Variants in AGBL4 observed in about 807,000 individuals in gnomAD.
The protein encoded by AGBL4 is AGBL carboxypeptidase 4, also known as cytosolic carboxypeptidase 6.
In AGBL4, 58 loss-of-function variants were observed where a neutral mutation model predicts 66.4. The ratio of observed to expected loss-of-function variants is 0.87; its 90% CI spans 0.71 to 1.09. AGBL4 has a LOEUF of 1.09. Ranked by LOEUF, AGBL4 falls within the 50% of genes least tolerant of loss-of-function variation. The pLI is 0.00. For synonymous variants in AGBL4, 234 were observed against 222.9 expected, an observed-to-expected ratio of 1.05 and a Z score of -0.44; for missense variants, 579 against 631.0, an observed-to-expected ratio of 0.92 and a Z score of 0.88.
intron 3 of AGBL4, among the ~76,000 whole-genome samples, chr1:49,675,262 C>A (rs1244558405): frequency 6.6e-6 from 1 of 151,944 alleles, no homozygotes. Flanking sequence ...CTTTCATGGG[C>A]CCCTTGCCAT....
chr1:49,569,475 T>C (rs1287996291), intron 3 of AGBL4, among the ~76,000 whole-genome samples: 1 of 152,210 alleles, frequency 6.6e-6, no homozygotes, highest in African/African-American at 2.4e-5. Flanking sequence ...ACATTTCATG[T>C]ACCCCATAAA....
At chr1:48,850,973 T>A (rs548741958) in intron 6 of AGBL4, among the ~76,000 whole-genome samples, 2 of 152,282 alleles carry the variant, frequency 1.3e-5, no homozygotes, top group African/African-American at 4.8e-5. Context: ...ATGGCAAAAA[T>A]AGGACTCAGA....
intron 3 of AGBL4, among the ~76,000 whole-genome samples, chr1:49,615,650 A>T (rs913759993): frequency 4.6e-5 from 7 of 152,128 alleles, no homozygotes; most frequent in African/African-American, 1.7e-4. Context: ...AAAATGGATA[A>T]AAGAGTCATA....
At chr1:48,543,931 A>ACT (rs1196556434) in intron 11 of AGBL4, among the ~76,000 whole-genome samples, 2 of 152,200 alleles carry the variant, frequency 1.3e-5, no homozygotes, top group Admixed American at 1.3e-4. Context: ...TGGTAATGGC[A>ACT]CTGTCAGGAC....
chr1:49,192,085 C>T (rs1429505407), intron 4 of AGBL4, among the ~76,000 whole-genome samples: 1 of 152,096 alleles, frequency 6.6e-6, no homozygotes, highest in Non-Finnish European at 1.5e-5. Context: ...CAGTGTATAA[C>T]TATTCTCTTT....
chr1:48,825,572 C>G (rs1261028252), intron 6 of AGBL4, among the ~76,000 whole-genome samples: 4 of 152,084 alleles, frequency 2.6e-5, no homozygotes. Context: ...ATTGTATTCC[C>G]AGTGCCCAGA....
At chr1:49,690,082 A>T (rs1018126210) in intron 3 of AGBL4, among the ~76,000 whole-genome samples, 3 of 152,198 alleles carry the variant, frequency 2.0e-5, no homozygotes, top group African/African-American at 7.2e-5. Context: ...AAGACCCTTC[A>T]CCAGCCAAAA....
intron 2 of AGBL4, among the ~76,000 whole-genome samples, chr1:49,850,223 G>GACATACAGGGAGAAC (rs1553133866): frequency 1.3e-5 from 2 of 152,156 alleles, no homozygotes; most frequent in African/African-American, 4.8e-5. Flanking sequence ...TTTGGATATA[G>GACATACAGGGAGAAC]ACATACAGGG....
In AGBL4 at chr1:49,833,869, C is replaced by T. The variant is rs1051964605; in HGVS notation, c.157+17527G>A. ...GTATCCTGAGACTCTGCTGAAGTTG[C>T]TTATCAGCTTAAGGAGATTTTGGGC... On this transcript the variant is annotated intron_variant, in intron 2 of 13. Transcript: ENST00000371839. Among the ~76,000 whole-genome samples the T allele has an allele frequency of 4.3e-4, 65 of 152,222 alleles. 1 individual carries two copies. The highest frequency in any genetic ancestry group is 1.5e-3 in the African/African-American group (62 of 41,546).
At chr1:49,680,495 A>G (rs900359459) in intron 3 of AGBL4, among the ~76,000 whole-genome samples, 4 of 152,114 alleles carry the variant, frequency 2.6e-5, no homozygotes, top group African/African-American at 9.7e-5. Flanking sequence ...TTCACTGGAT[A>G]TAGAATTCTA....
chr1:49,998,540 C>A (rs943588934), intron 1 of AGBL4, among the ~76,000 whole-genome samples: 1 of 152,114 alleles, frequency 6.6e-6, no homozygotes, highest in African/African-American at 2.4e-5. Context: ...CCTATTAACA[C>A]TTTTCCAAAA....
rs185198149 is a variant in AGBL4, at chr1:48,547,330, A to C, written c.1268-7592T>G. ...AAGAAAAGGGAGGTCCCAGCTGTAC[A>C]GAGGCAGTAGAGATGGGAAGATGTA... On this transcript the variant is annotated intron_variant, in intron 11 of 13. Coordinates refer to ENST00000371839, the MANE Select transcript of AGBL4 (RefSeq NM_032785.4). 3.6e-3 allele frequency among the ~76,000 whole-genome samples: 546 copies of C among 152,278 alleles called. 5 individuals are homozygous for C. The highest frequency in any genetic ancestry group is 4.7e-3 in the Non-Finnish European group (323 of 68,020).
intron 1 of AGBL4, among the ~76,000 whole-genome samples, chr1:49,853,786 T>A (rs1156686611): frequency 6.6e-6 from 1 of 152,124 alleles, no homozygotes; most frequent in East Asian, 1.9e-4. Flanking sequence ...AATGATATAT[T>A]GAAATTACTG....
intron 3 of AGBL4, among the ~76,000 whole-genome samples, chr1:49,557,650 C>A (rs1369072052): frequency 6.6e-6 from 1 of 152,102 alleles, no homozygotes; most frequent in Non-Finnish European, 1.5e-5. Context: ...CAAACCCTAC[C>A]ACCAAGGGCT....
At chr1:49,671,616 A>T (rs1330640864) in intron 3 of AGBL4, among the ~76,000 whole-genome samples, 2 of 152,188 alleles carry the variant, frequency 1.3e-5, no homozygotes, top group Non-Finnish European at 2.9e-5. Context: ...AGCATCTAAA[A>T]AGAACTTAAA....
At chr1:49,526,532 C>T (rs887327363) in intron 3 of AGBL4, among the ~76,000 whole-genome samples, 1 of 152,004 alleles carries the variant, frequency 6.6e-6, no homozygotes, top group Non-Finnish European at 1.5e-5. Context: ...ACTAAGGAAT[C>T]TCCCATTTGG....
intron 5 of AGBL4, among the ~76,000 whole-genome samples, chr1:49,018,724 C>A (rs903373755): frequency 2.0e-5 from 3 of 152,170 alleles, no homozygotes; most frequent in Non-Finnish European, 4.4e-5. Flanking sequence ...CTTGATTCCT[C>A]TCTTTTCCTC....
At chr1:48,908,665 A>C (rs1652830587) in intron 5 of AGBL4, among the ~76,000 whole-genome samples, 1 of 152,136 alleles carries the variant, frequency 6.6e-6, no homozygotes, top group Admixed American at 6.5e-5. Flanking sequence ...TCCATTGAAC[A>C]GTGGAGAAAA....
chr1:49,987,225 A>G (rs748858368), intron 1 of AGBL4, among the ~76,000 whole-genome samples: 4 of 152,094 alleles, frequency 2.6e-5, no homozygotes, highest in Non-Finnish European at 5.9e-5. Context: ...AAATGTCAAG[A>G]AGAGGCAGAA....
Sources: gnomAD v4.1 joint callset for allele counts (sites outside exome capture counted in the v4.1 genomes callset) on GRCh38, gnomAD v4.1.1 for gene constraint, MANE v1.5 for transcripts, NCBI Gene and HGNC (gene_info 2026-07-23, HGNC 2026-07-21) for gene names.